The following FAP variants were observed in gnomAD, a reference collection of about 807,000 sequenced individuals.
FAP encodes fibroblast activation protein alpha.
A neutral mutation model predicts 126.5 loss-of-function variants in FAP; 110 were observed. The ratio of observed to expected loss-of-function variants is 0.87; its 90% CI spans 0.74 to 1.02. FAP has a LOEUF of 1.02. FAP is among the 50% of genes least tolerant of loss of function. The pLI is 0.00. For missense variants in FAP, 919 were observed against 909.2 expected, an observed-to-expected ratio of 1.01 and a Z score of -0.14; for synonymous variants, 334 against 297.3, an observed-to-expected ratio of 1.12 and a Z score of -1.27.
Position 162,189,172 on chromosome 2 carries a change from G to C in FAP, c.1550C>G (p.Thr517Ser). The change falls in exon 19 of 26, where the codon ACT (threonine) becomes AGT (serine). Residue 517 changes from threonine (T) to serine (S), a missense_variant and splice_region_variant. Physicochemically the swap from Thr to Ser is moderately conservative, Grantham distance 58. Transcript: ENST00000188790. ...AGGAAGAATCATCTTGTACCATAAA[G>C]CTTTGAGGAAAAAAAAAGGAGAAAA... The part of the protein sequence containing the change: ...EIKKLEVDEI[T>S]LWYKMILPPQ... The C allele has an allele frequency of 1.3e-6, 2 of 1,583,278 alleles. No homozygotes were observed. The highest frequency in any genetic ancestry group is 1.7e-6 in the Non-Finnish European group (2 of 1,163,104).
chr2:162,197,325 A>G (rs897541207), intron 16 of FAP, among the ~76,000 whole-genome samples: 1 of 152,254 alleles, frequency 6.6e-6, no homozygotes, highest in African/African-American at 2.4e-5. Context: ...AAAGATAGAT[A>G]AACAGATGAC....
chr2:162,172,134 C>G (rs533425108), intron 25 of FAP: 1 of 152,004 alleles, frequency 6.6e-6, no homozygotes, highest in East Asian at 1.9e-4. Context: ...TTTCGGGGTT[C>G]TTGTTCAACT....
Position 162,203,065 on chromosome 2 carries a change from A to G in FAP, c.1128T>C (p.His376=). The part of the protein sequence containing the change: ...KIFSDKDGYK[H]IHYIKDTVEN... ...CCACAGTGTCTTTGATATAGTGAAT[A>G]TGTTTGTAGCCATCCTTGTCACTAA... Residue 376 remains histidine, a synonymous_variant, in exon 13 of 26, where the codon CAT becomes CAC. Transcript: ENST00000188790. The G allele has an allele frequency of 6.2e-7, 1 of 1,613,146 alleles. No homozygotes were observed. The highest frequency in any genetic ancestry group is 2.2e-5 in the East Asian group (1 of 44,864).
chr2:162,188,384 A>C (rs377402804), intron 19 of FAP, 21 bp from the exon 20 acceptor site: 1 of 1,603,158 alleles, frequency 6.2e-7, no homozygotes, highest in South Asian at 1.1e-5. Flanking sequence ...AACAAAAAAA[A>C]CAAGAATCTT....
intron 6 of FAP, chr2:162,221,850 A>C: frequency 2.6e-6 from 1 of 389,860 alleles, no homozygotes; most frequent in Non-Finnish European, 5.1e-6. Flanking sequence ...TAGAGTCTTC[A>C]AAGGCATATA....
chr2:162,215,397 C>T (rs1226657000), intron 10 of FAP, among the ~76,000 whole-genome samples: 1 of 152,214 alleles, frequency 6.6e-6, no homozygotes, highest in Non-Finnish European at 1.5e-5. Flanking sequence ...GGGCATCATG[C>T]TGGGGAAGTG....
chr2:162,187,641 C>A (rs115378418), intron 20 of FAP, among the ~76,000 whole-genome samples: 468 of 152,154 alleles, frequency 3.1e-3, no homozygotes, highest in African/African-American at 9.8e-3. Flanking sequence ...AATATAATTT[C>A]TGTTGTGTAA....
intron 2 of FAP, among the ~76,000 whole-genome samples, chr2:162,229,843 A>G (rs938898432): frequency 1.5e-5 from 2 of 136,818 alleles, no homozygotes; most frequent in African/African-American, 4.9e-5. Context: ...CGATATAGAG[A>G]ACGTAGCATA....
At chr2:162,224,370 A>G in intron 5 of FAP, 96 bp downstream of exon 5, 1 of 712,174 alleles carries the variant, frequency 1.4e-6, no homozygotes, top group Non-Finnish European at 2.4e-6. Flanking sequence ...ATATTTAGAG[A>G]TAAAGACAGA....
chr2:162,181,647 T>G (rs897296691), intron 21 of FAP, among the ~76,000 whole-genome samples: 1 of 152,216 alleles, frequency 6.6e-6, no homozygotes, highest in African/African-American at 2.4e-5. Context: ...TGTCCCCCTG[T>G]ACTCCACAGC....
intron 2 of FAP, among the ~76,000 whole-genome samples, chr2:162,234,379 G>C (rs1029449036): frequency 4.0e-5 from 6 of 151,834 alleles, no homozygotes; most frequent in Admixed American, 3.3e-4. Flanking sequence ...TTTTTGGATT[G>C]CTCATTGAGA....
intron 2 of FAP, among the ~76,000 whole-genome samples, chr2:162,236,770 A>G (rs1690152814): frequency 6.6e-6 from 1 of 151,878 alleles, no homozygotes; most frequent in African/African-American, 2.4e-5. Flanking sequence ...ACCACTGCTA[A>G]TTTTTGTGTT....
chr2:162,172,336 ATGCCAGGG>A, intron 25 of FAP: 1 of 154,384 alleles, frequency 6.5e-6, no homozygotes, highest in East Asian at 1.9e-4. Context: ...AGCCAGGTGT[ATGCCAGGG>A]GATGAGAATA....
chr2:162,192,537 C>T (rs1036341775), intron 17 of FAP, among the ~76,000 whole-genome samples: 1 of 152,202 alleles, frequency 6.6e-6, no homozygotes, highest in East Asian at 1.9e-4. Context: ...CTAACCCTAT[C>T]CACTCTTGTT....
chr2:162,231,239 A>G (rs1689890498), intron 2 of FAP, among the ~76,000 whole-genome samples: 1 of 152,184 alleles, frequency 6.6e-6, no homozygotes. Context: ...GTAAATCAGT[A>G]TAAAATATAT....
intron 21 of FAP, among the ~76,000 whole-genome samples, chr2:162,181,070 T>C (rs2106219308): frequency 6.6e-6 from 1 of 151,440 alleles, no homozygotes; most frequent in East Asian, 2.0e-4. Context: ...AGCCTAGGGG[T>C]TTGAGACCAG....
chr2:162,175,459 C>T (rs923016748), intron 21 of FAP: 1 of 152,468 alleles, frequency 6.6e-6, no homozygotes, highest in African/African-American at 2.4e-5. Flanking sequence ...CAACAGAATA[C>T]CAAAGGAAGG....
intron 3 of FAP, 130 bp from the exon 4 acceptor site, chr2:162,225,707 G>A: frequency 2.3e-6 from 2 of 869,152 alleles, no homozygotes; most frequent in Non-Finnish European, 3.2e-6. Flanking sequence ...ATTGCTTTGT[G>A]ATATGTAAAA....
At chr2:162,228,024 C>T (rs1185571539) in intron 2 of FAP, among the ~76,000 whole-genome samples, 1 of 152,032 alleles carries the variant, frequency 6.6e-6, no homozygotes, top group African/African-American at 2.4e-5. Flanking sequence ...TACTGTTTTC[C>T]CACCTCCCTC....
Sources: allele counts gnomAD v4.1 joint callset (sites outside exome capture counted in the v4.1 genomes callset), GRCh38; gene constraint gnomAD v4.1.1; transcripts MANE v1.5; gene names NCBI Gene and HGNC (gene_info 2026-07-23, HGNC 2026-07-21).